PPM1L: variants seen among roughly 807,000 people sequenced by gnomAD.
The protein encoded by PPM1L is protein phosphatase, Mg2+/Mn2+ dependent 1L, also known as protein phosphatase 1L.
Under a neutral mutation model 31.4 loss-of-function variants are expected in PPM1L, and 13 were observed. That is an observed-to-expected ratio of 0.41 (90% CI 0.27 to 0.66). The LOEUF is 0.66. Ranked by LOEUF, PPM1L falls within the 30% of genes least tolerant of loss-of-function variation. PPM1L has a pLI of 0.29. For missense variants in PPM1L, 326 were observed against 453.7 expected (o/e 0.72, Z 2.56); for synonymous variants, 184 against 175.4 (o/e 1.05, Z -0.39).
At chr3:160,801,097 G>C (rs563918141) in intron 1 of PPM1L, among the ~76,000 whole-genome samples, 7 of 150,484 alleles carry the variant, frequency 4.7e-5, no homozygotes, top group African/African-American at 7.4e-5. Flanking sequence ...TTTCAACAGG[G>C]GAATGGTAAG....
At chr3:160,793,891 C>G (rs867315056) in intron 1 of PPM1L, among the ~76,000 whole-genome samples, 3 of 152,160 alleles carry the variant, frequency 2.0e-5, no homozygotes, top group African/African-American at 7.2e-5. Flanking sequence ...CAACTGAATC[C>G]TGATTGGTTG....
chr3:160,864,568 A>G (rs1435569623), intron 1 of PPM1L, among the ~76,000 whole-genome samples: 4 of 152,160 alleles, frequency 2.6e-5, no homozygotes, highest in Admixed American at 2.0e-4. Context: ...AGAGTAATTT[A>G]TTTGTCTCCA....
chr3:160,933,271 A>G (rs559483160), intron 1 of PPM1L, among the ~76,000 whole-genome samples: 14 of 151,442 alleles, frequency 9.2e-5, no homozygotes, highest in Non-Finnish European at 1.6e-4. Context: ...TTGAAATGCT[A>G]TATTTTGAGT....
intron 1 of PPM1L, among the ~76,000 whole-genome samples, chr3:160,789,814 A>G (rs1469910977): frequency 2.0e-5 from 3 of 152,006 alleles, no homozygotes; most frequent in Admixed American, 6.6e-5. Flanking sequence ...TCACATGATC[A>G]TGTGTGTATA....
intron 1 of PPM1L, among the ~76,000 whole-genome samples, chr3:160,905,159 A>G (rs1409721264): frequency 6.6e-6 from 1 of 152,172 alleles, no homozygotes; most frequent in Non-Finnish European, 1.5e-5. Flanking sequence ...ATGATTTGCT[A>G]ATCCAACCTC....
intron 1 of PPM1L, among the ~76,000 whole-genome samples, chr3:160,913,112 C>A (rs1482250203): frequency 1.3e-5 from 2 of 151,966 alleles, no homozygotes; most frequent in Non-Finnish European, 2.9e-5. Context: ...ATGAGGTGTT[C>A]CTGGAGACAT....
At chr3:160,776,015 C>G (rs1711550147) in intron 1 of PPM1L, among the ~76,000 whole-genome samples, 1 of 151,446 alleles carries the variant, frequency 6.6e-6, no homozygotes, top group South Asian at 2.1e-4. Context: ...AAAGAGCTTA[C>G]TGATAGTGTG....
At chr3:161,025,142 C>G (rs1321270587) in intron 2 of PPM1L, among the ~76,000 whole-genome samples, 2 of 152,130 alleles carry the variant, frequency 1.3e-5, no homozygotes, top group African/African-American at 2.4e-5. Context: ...TGTATAGGTG[C>G]TATGGTTTGA....
chr3:160,786,367 G>A (rs1279304940), intron 1 of PPM1L, among the ~76,000 whole-genome samples: 1 of 150,024 alleles, frequency 6.7e-6, no homozygotes, highest in African/African-American at 2.4e-5. Context: ...ACAGGTGTGA[G>A]CCACCATGTT....
intron 1 of PPM1L, among the ~76,000 whole-genome samples, chr3:160,871,822 A>T (rs534325494): frequency 2.0e-5 from 3 of 150,902 alleles, no homozygotes; most frequent in East Asian, 3.9e-4. Context: ...GTCATTTATA[A>T]TTTTTTCCTT....
At chr3:160,957,441 A>G (rs1715810699) in intron 1 of PPM1L, among the ~76,000 whole-genome samples, 1 of 152,150 alleles carries the variant, frequency 6.6e-6, no homozygotes, top group Non-Finnish European at 1.5e-5. Flanking sequence ...GCTGAGTCAA[A>G]TGGTATTTCT....
intron 1 of PPM1L, among the ~76,000 whole-genome samples, chr3:160,899,122 T>C (rs1713452089): frequency 6.6e-6 from 1 of 152,044 alleles, no homozygotes; most frequent in Admixed American, 6.6e-5. Flanking sequence ...GCCCCACTAA[T>C]GAAAAAGGAG....
In PPM1L at chr3:161,033,537, A is replaced by G. The variant is rs1473012155; in HGVS notation, c.575-31866A>G. Among the ~76,000 whole-genome samples the G allele has an allele frequency of 2.0e-5, 3 of 152,180 alleles. No individual in the cohort carries two copies. In the East Asian group the frequency reaches 5.8e-4, roughly 29 times the overall value. Reference sequence around the variant, plus strand: ...AACAGAGGCCTCAGAAAAAAATGTGACACATCTACAACTATCTGATCTTTG... The same window carrying G: ...AACAGAGGCCTCAGAAAAAAATGTGGCACATCTACAACTATCTGATCTTTG... On this transcript the variant is annotated intron_variant, in intron 2 of 3. Coordinates refer to ENST00000498165, the MANE Select transcript of PPM1L (RefSeq NM_139245.4).
chr3:160,989,628 C>G (rs1207982154), intron 2 of PPM1L, among the ~76,000 whole-genome samples: 1 of 152,032 alleles, frequency 6.6e-6, no homozygotes, highest in African/African-American at 2.4e-5. Context: ...TCACAAAGTG[C>G]TAGGGTCACA....
At chr3:160,809,605 GC>G (rs1488190929) in intron 1 of PPM1L, among the ~76,000 whole-genome samples, 5 of 152,100 alleles carry the variant, frequency 3.3e-5, no homozygotes, top group African/African-American at 1.2e-4. Context: ...ATAGCAGTGG[GC>G]CTTGGGAGCT....
intron 1 of PPM1L, among the ~76,000 whole-genome samples, chr3:160,862,520 T>TA (rs1276726725): frequency 6.6e-6 from 1 of 152,038 alleles, no homozygotes; most frequent in African/African-American, 2.4e-5. Context: ...TAAAGTAACT[T>TA]AAAGGAATTG....
Position 161,046,379 on chromosome 3 carries a change from A to G in PPM1L, c.575-19024A>G, listed in dbSNP as rs185471917. 7.0e-4 allele frequency among the ~76,000 whole-genome samples: 107 copies of G among 152,284 alleles called. 1 individual carries two copies. Among genetic ancestry groups the G allele is most frequent in the Admixed American group, 6.5e-3 (99 of 15,292 alleles). On this transcript the variant is annotated intron_variant, in intron 2 of 3. Transcript: ENST00000498165. ...TCTTGGACACATACACCATCCCGAG[A>G]CTAAACCAGGAAGAAGTTGAATCCC...
chr3:161,040,504 C>T (rs1055009486), intron 2 of PPM1L, among the ~76,000 whole-genome samples: 8 of 152,092 alleles, frequency 5.3e-5, no homozygotes, highest in Admixed American at 2.6e-4. Context: ...GTTAAACATG[C>T]GAACTGAAAA....
chr3:160,763,343 G>A (rs113073643), intron 1 of PPM1L, among the ~76,000 whole-genome samples: 2,506 of 152,272 alleles, frequency 0.016, 61 homozygotes, highest in African/African-American at 0.057. Flanking sequence ...GTTATGGGCA[G>A]TGTTTCAGCA....
Sources: gnomAD v4.1 joint callset for allele counts (sites outside exome capture counted in the v4.1 genomes callset) on GRCh38, gnomAD v4.1.1 for gene constraint, MANE v1.5 for transcripts, NCBI Gene and HGNC (gene_info 2026-07-23, HGNC 2026-07-21) for gene names.